Variants in GNAQ observed in about 807,000 individuals in gnomAD.
The protein encoded by GNAQ is G protein subunit alpha q, also known as guanine nucleotide-binding protein G(q) subunit alpha.
Under a neutral mutation model 43.9 loss-of-function variants are expected in GNAQ, and 8 were observed. The ratio of observed to expected loss-of-function variants is 0.18; its 90% CI spans 0.11 to 0.33. The LOEUF (loss-of-function observed/expected upper bound fraction) is 0.33. Ranked by LOEUF, GNAQ falls within the 10% of genes least tolerant of loss-of-function variation. GNAQ has a pLI of 1.00. For synonymous variants in GNAQ, 155 were observed against 170.7 expected (o/e 0.91, Z 0.71); for missense variants, 158 against 450.8 (o/e 0.35, Z 5.88).
intron 2 of GNAQ, among the ~76,000 whole-genome samples, chr9:77,887,541 T>A (rs981119183): frequency 6.6e-6 from 1 of 152,196 alleles, no homozygotes; most frequent in African/African-American, 2.4e-5. Flanking sequence ...TATATGTAGT[T>A]TTGTGTCCAT....
At chr9:78,005,935 C>T (rs1365147694) in intron 1 of GNAQ, among the ~76,000 whole-genome samples, 2 of 152,204 alleles carry the variant, frequency 1.3e-5, no homozygotes, top group African/African-American at 4.8e-5. Flanking sequence ...AAACTAGACA[C>T]AAGCTTCCAT....
intron 2 of GNAQ, among the ~76,000 whole-genome samples, chr9:77,921,539 T>C (rs924700939): frequency 6.6e-6 from 1 of 152,356 alleles, no homozygotes; most frequent in Non-Finnish European, 1.5e-5. Flanking sequence ...AGTGTGCTTA[T>C]TTTGTAAAAA....
rs541398488 is a variant in GNAQ, at chr9:78,013,016, C to T, written c.136+18084G>A. 2.6e-5 allele frequency among the ~76,000 whole-genome samples: 4 copies of T among 152,016 alleles called. No individual in the cohort carries two copies. In the South Asian group the frequency reaches 6.2e-4, roughly 24 times the overall value. ...GACAAAAGACAGTGAAGAAAGGGGG[C>T]GTAAGTGGAAAGAAGAGTAAACTAC... is the stretch of plus-strand genomic sequence containing the variant. On this transcript the variant is annotated intron_variant, in intron 1 of 6. Transcript: ENST00000286548.
rs5898562 is a variant in GNAQ at position 77,827,383 on chromosome 9, T to TA, written c.322-11614dup. Among the ~76,000 whole-genome samples, 423 of 129,170 alleles carry TA rather than the reference T, an allele frequency of 3.3e-3. 1 individual carries two copies. The highest frequency in any genetic ancestry group is 4.4e-3 in the East Asian group (19 of 4,354). 84.7% of individuals were successfully genotyped at this position (129,170 alleles called of 152,430 possible). On this transcript the variant is annotated intron_variant, in intron 2 of 6. Transcript: ENST00000286548. ...CAAACCAAATCCATGTTTAAATAAC[T>TA]AAAAAAAAAAAAAAAAAACTGAGCA...
intron 2 of GNAQ, among the ~76,000 whole-genome samples, chr9:77,887,025 G>A (rs1344422799): frequency 1.3e-5 from 2 of 152,086 alleles, no homozygotes; most frequent in Admixed American, 6.5e-5. Context: ...TGGAGGCTAA[G>A]GCAGGAGAAT....
chr9:77,896,595 C>T lies in GNAQ; in HGVS notation c.321+25566G>A, dbSNP rs958002035. On this transcript the variant is annotated intron_variant, in intron 2 of 6. Transcript: ENST00000286548. ...CTTGGTATCAAGCCTGGTCCATATT[C>T]ACATTTCACCAGTTACCTAAAAATT... Among the ~76,000 whole-genome samples the T allele has an allele frequency of 1.3e-5, 2 of 152,308 alleles. 1 individual carries two copies. Among genetic ancestry groups the T allele is most frequent in the Admixed American group, 1.3e-4 (2 of 15,302 alleles).
At chr9:77,778,778 C>T (rs902013772) in intron 5 of GNAQ, among the ~76,000 whole-genome samples, 2 of 151,826 alleles carry the variant, frequency 1.3e-5, no homozygotes, top group African/African-American at 4.8e-5. Context: ...AGTAGCTATA[C>T]CCAAGTAGCT....
chr9:77,927,437 A>G (rs1355151683), intron 1 of GNAQ, among the ~76,000 whole-genome samples: 1 of 152,166 alleles, frequency 6.6e-6, no homozygotes, highest in Non-Finnish European at 1.5e-5. Context: ...GCATTGCTCA[A>G]TGCTTAAAAA....
At chr9:77,964,553 T>G (rs141230472) in intron 1 of GNAQ, among the ~76,000 whole-genome samples, 2 of 152,118 alleles carry the variant, frequency 1.3e-5, no homozygotes, top group Admixed American at 6.5e-5. Flanking sequence ...AAAACCAGTC[T>G]CAATAAATTT....
intron 1 of GNAQ, among the ~76,000 whole-genome samples, chr9:77,956,323 G>A (rs949327621): frequency 1.3e-5 from 2 of 152,146 alleles, no homozygotes; most frequent in Non-Finnish European, 2.9e-5. Flanking sequence ...AACAATTCTT[G>A]ATTACTTGTA....
intron 2 of GNAQ, among the ~76,000 whole-genome samples, chr9:77,869,097 C>T (rs976793964): frequency 2.6e-5 from 4 of 152,112 alleles, no homozygotes; most frequent in African/African-American, 9.7e-5. Context: ...ACTGTCGCTC[C>T]ACTGTCTTTG....
intron 2 of GNAQ, among the ~76,000 whole-genome samples, chr9:77,822,392 A>C (rs1451684092): frequency 6.6e-6 from 1 of 152,174 alleles, no homozygotes; most frequent in Non-Finnish European, 1.5e-5. Context: ...CATTTCTGAG[A>C]TCACATAATG....
chr9:77,949,446 T>C (rs1176513157), intron 1 of GNAQ, among the ~76,000 whole-genome samples: 1 of 152,194 alleles, frequency 6.6e-6, no homozygotes, highest in Non-Finnish European at 1.5e-5. Flanking sequence ...GGAATACTCC[T>C]GGGGCTGAGA....
chr9:77,718,362 A>G lies in GNAQ; in HGVS notation c.*2961T>C. 1 of 232,580 alleles carries G rather than the reference A, an allele frequency of 4.3e-6. No homozygotes were observed. Among genetic ancestry groups the G allele is most frequent in the Non-Finnish European group, 8.5e-6 (1 of 117,602 alleles). 14.4% of individuals were successfully genotyped at this position (232,580 alleles called of 1,614,324 possible). On this transcript the variant is annotated 3_prime_UTR_variant, in exon 7 of 7. Transcript: ENST00000286548. ...TCAATAAAACCCCGAAGAAACAAAA[A>G]AGAAAATCCTTTAGCTTCGATTGAC...
intron 1 of GNAQ, among the ~76,000 whole-genome samples, chr9:77,983,825 C>A (rs1823398660): frequency 6.6e-6 from 1 of 151,934 alleles, no homozygotes; most frequent in African/African-American, 2.4e-5. Flanking sequence ...GTGGGGAGGA[C>A]TCTTTCCTAG....
At chr9:77,763,206 A>G (rs1410784417) in intron 5 of GNAQ, among the ~76,000 whole-genome samples, 2 of 152,084 alleles carry the variant, frequency 1.3e-5, no homozygotes, top group African/African-American at 4.8e-5. Context: ...GAAAAATTTT[A>G]AAGGATATGA....
In GNAQ at chr9:77,939,667, GA is replaced by G. The variant is rs1219797943; in HGVS notation, c.137-17323del. ...AGCCATAACAGATAATCAACTGGGTGAAAAAACTCATTCTGGAATTTTGATT... is the reference window on the plus strand; with the variant it reads ...AGCCATAACAGATAATCAACTGGGTGAAAAACTCATTCTGGAATTTTGATT... On this transcript the variant is annotated intron_variant, in intron 1 of 6. Transcript: ENST00000286548. Among the ~76,000 whole-genome samples, 9 of 152,132 alleles carry G rather than the reference GA, an allele frequency of 5.9e-5. No homozygotes were observed. The East Asian group carries it at 1.5e-3, about 26-fold the overall frequency.
At chr9:77,832,046 G>C (rs958214630) in intron 2 of GNAQ, among the ~76,000 whole-genome samples, 5 of 151,236 alleles carry the variant, frequency 3.3e-5, no homozygotes, top group Non-Finnish European at 7.4e-5. Context: ...TCAGGATATA[G>C]CACATGTAGG....
intron 4 of GNAQ, among the ~76,000 whole-genome samples, chr9:77,797,274 C>A (rs1046274534): frequency 6.6e-6 from 1 of 152,168 alleles, no homozygotes; most frequent in Admixed American, 6.5e-5. Flanking sequence ...TTCAGGTAAT[C>A]CATCCACCTT....
Sources: allele counts gnomAD v4.1 joint callset (sites outside exome capture counted in the v4.1 genomes callset), GRCh38; gene constraint gnomAD v4.1.1; transcripts MANE v1.5; gene names NCBI Gene and HGNC (gene_info 2026-07-23, HGNC 2026-07-21).